Variants in MRGPRX3 observed in about 807,000 individuals in gnomAD.
The protein encoded by MRGPRX3 is MAS related GPR family member X3.
A neutral mutation model predicts 16.5 loss-of-function variants in MRGPRX3; 14 were observed. The ratio of observed to expected loss-of-function variants is 0.85; its 90% CI spans 0.56 to 1.33. The LOEUF is 1.33. Ranked by LOEUF, MRGPRX3 falls within the 40% of genes most tolerant of loss-of-function variation. MRGPRX3 has a pLI of 0.00. For synonymous variants in MRGPRX3, 199 were observed against 180.1 expected (o/e 1.10, Z -0.84); for missense variants, 449 against 413.0 (o/e 1.09, Z -0.76).
chr11:18,132,162 C>T (rs1362355484), upstream of MRGPRX3, among the ~76,000 whole-genome samples: 1 of 152,114 alleles, frequency 6.6e-6, no homozygotes, highest in African/African-American at 2.4e-5. Flanking sequence ...CAAGTGGTAG[C>T]CTCTGGACAA....
chr11:18,124,626 C>T (rs2134079359), intron 1 of MRGPRX3, among the ~76,000 whole-genome samples: 1 of 152,300 alleles, frequency 6.6e-6, no homozygotes, highest in East Asian at 1.9e-4. Context: ...CGATATTCAT[C>T]AGGGATATTG....
chr11:18,136,758 C>T (rs886842515), intron 1 of MRGPRX3, among the ~76,000 whole-genome samples: 1 of 152,182 alleles, frequency 6.6e-6, no homozygotes, highest in African/African-American at 2.4e-5. Flanking sequence ...TCCCATTTTC[C>T]TCTGGTTCAT....
intron 1 of MRGPRX3, among the ~76,000 whole-genome samples, chr11:18,121,343 G>C (rs1004618041): frequency 1.3e-5 from 2 of 150,554 alleles, no homozygotes; most frequent in Non-Finnish European, 3.0e-5. Flanking sequence ...TCAGCCCCCC[G>C]CCTGGCCAGC....
intron 1 of MRGPRX3, among the ~76,000 whole-genome samples, chr11:18,123,375 G>C (rs1203006000): frequency 5.3e-5 from 8 of 152,258 alleles, no homozygotes; most frequent in Middle Eastern, 6.8e-3. Context: ...TAAGGTGTAA[G>C]GAAGGGATCC....
rs1385560926 is a variant in MRGPRX3 at position 18,137,220 on chromosome 11, A to T, written c.18A>T (p.Pro6=). MDSTI[P]VLGTELTPIN... ...TTCTGAGCATGGATTCAACCATCCC[A>T]GTCTTGGGTACAGAACTGACACCAA... Residue 6 remains proline, a synonymous_variant, in exon 2 of 2, where the codon CCA becomes CCT. Coordinates refer to ENST00000621697, the MANE Select transcript of MRGPRX3 (RefSeq NM_001370464.1). 1 of 1,599,328 alleles carries T rather than the reference A, an allele frequency of 6.3e-7. No homozygotes were observed. The highest frequency in any genetic ancestry group is 8.5e-7 in the Non-Finnish European group (1 of 1,170,258).
chr11:18,126,972 A>G (rs1848904410), intron 1 of MRGPRX3, among the ~76,000 whole-genome samples: 1 of 152,220 alleles, frequency 6.6e-6, no homozygotes, highest in African/African-American at 2.4e-5. Context: ...GTGTCTTTAT[A>G]GCAGCGTGAT....
chr11:18,136,976 G>A (rs1250339833), intron 1 of MRGPRX3, among the ~76,000 whole-genome samples: 1 of 152,176 alleles, frequency 6.6e-6, no homozygotes, highest in African/African-American at 2.4e-5. Context: ...TTGTGTGGCA[G>A]TAGAGAGAGG....
At chr11:18,127,095 G>T (rs1301062870) in intron 1 of MRGPRX3, among the ~76,000 whole-genome samples, 2 of 152,128 alleles carry the variant, frequency 1.3e-5, no homozygotes, top group Non-Finnish European at 2.9e-5. Flanking sequence ...GTTGAATATT[G>T]GCCCCCACTC....
intron 1 of MRGPRX3, among the ~76,000 whole-genome samples, chr11:18,136,906 C>T (rs1479359188): frequency 6.6e-6 from 1 of 152,168 alleles, no homozygotes; most frequent in Admixed American, 6.5e-5. Context: ...GGGTCCACAG[C>T]ACTGGCTAGA....
chr11:18,128,310 G>T (rs1379006435), upstream of MRGPRX3, among the ~76,000 whole-genome samples: 2 of 152,222 alleles, frequency 1.3e-5, no homozygotes, highest in South Asian at 2.1e-4. Context: ...AAAGCTGTCA[G>T]ACAGGGACAT....
At chr11:18,124,978 A>T (rs1848877722) in intron 1 of MRGPRX3, among the ~76,000 whole-genome samples, 1 of 152,138 alleles carries the variant, frequency 6.6e-6, no homozygotes, top group African/African-American at 2.4e-5. Context: ...ATTTGCATAG[A>T]GGTGTTTATA....
chr11:18,129,382 A>G (rs911908802), upstream of MRGPRX3, among the ~76,000 whole-genome samples: 8 of 152,228 alleles, frequency 5.3e-5, no homozygotes, highest in African/African-American at 1.9e-4. Flanking sequence ...AGAAATACAA[A>G]AGATCTTTCA....
intron 1 of MRGPRX3, among the ~76,000 whole-genome samples, chr11:18,134,491 T>A (rs1197945016): frequency 1.3e-5 from 2 of 152,228 alleles, no homozygotes; most frequent in Admixed American, 1.3e-4. Context: ...ATTTAATGTA[T>A]CTGGGAGAAA....
chr11:18,123,626 C>T (rs2134078826), intron 1 of MRGPRX3, among the ~76,000 whole-genome samples: 1 of 152,286 alleles, frequency 6.6e-6, no homozygotes, highest in South Asian at 2.1e-4. Flanking sequence ...TAGTGTGATG[C>T]CTCCAGCTTT....
intron 1 of MRGPRX3, among the ~76,000 whole-genome samples, chr11:18,121,932 C>T (rs1479511250): frequency 2.0e-5 from 3 of 151,340 alleles, no homozygotes; most frequent in Non-Finnish European, 2.9e-5. Flanking sequence ...GCTGACCTTC[C>T]CTCCACTATT....
At chr11:18,126,159 G>A (rs1192378138) in intron 1 of MRGPRX3, among the ~76,000 whole-genome samples, 1 of 152,274 alleles carries the variant, frequency 6.6e-6, no homozygotes, top group Non-Finnish European at 1.5e-5. Context: ...TTGCCAGTCT[G>A]TGTCTTTTAA....
chr11:18,137,856 C>T lies in MRGPRX3; in HGVS notation c.654C>T (p.Ile218=). The T allele has an allele frequency of 6.2e-7, 1 of 1,614,206 alleles. No individual in the cohort carries two copies. Among genetic ancestry groups the T allele is most frequent in the Non-Finnish European group, 8.5e-7 (1 of 1,180,040 alleles). ...KMPLTRLYVT[I]LLTVLVFLLC... The stretch of plus-strand genomic sequence containing the variant: ...CGCTGACCAGGCTGTACGTGACCAT[C>T]CTCCTCACAGTGCTGGTCTTCCTCC... Residue 218 remains isoleucine (I), a synonymous_variant, in exon 2 of 2, where the codon ATC becomes ATT. Transcript: ENST00000621697.
At chr11:18,127,879 G>GT (rs548413327), upstream of MRGPRX3, among the ~76,000 whole-genome samples, 455 of 152,152 alleles carry the variant, frequency 3.0e-3, 2 homozygotes, top group Non-Finnish European at 5.1e-3. Context: ...TTTCTGCTCT[G>GT]TTTTTTCCCC....
intron 1 of MRGPRX3, among the ~76,000 whole-genome samples, chr11:18,125,075 C>T (rs1848878867): frequency 9.4e-6 from 1 of 106,528 alleles, no homozygotes; most frequent in Non-Finnish European, 2.3e-5. Flanking sequence ...TGATTCTTCT[C>T]TCTTTTCTTC....
Sources: gnomAD v4.1 joint callset for allele counts (sites outside exome capture counted in the v4.1 genomes callset) on GRCh38, gnomAD v4.1.1 for gene constraint, MANE v1.5 for transcripts, NCBI Gene and HGNC (gene_info 2026-07-23, HGNC 2026-07-21) for gene names.